The following DDX49 variants were observed in gnomAD, a reference collection of about 807,000 sequenced individuals.
The protein encoded by DDX49 is DEAD-box helicase 49.
A neutral mutation model predicts 56.3 loss-of-function variants in DDX49; 50 were observed. The observed-to-expected ratio is 0.89, with a 90% CI of 0.71 to 1.12. The LOEUF (loss-of-function observed/expected upper bound fraction) is 1.12, where lower values mean the gene tolerates loss of function less well. Ranked by LOEUF, DDX49 falls within the 50% of genes most tolerant of loss-of-function variation. The probability of loss-of-function intolerance (pLI) is 0.00; values close to 1 mark genes in which losing one functional copy is unlikely to be tolerated. For synonymous variants in DDX49, 269 were observed against 270.6 expected, an observed-to-expected ratio of 0.99 and a Z score of 0.06; for missense variants, 614 against 650.5, an observed-to-expected ratio of 0.94 and a Z score of 0.61.
rs2056942822 is a variant in DDX49, at chr19:18,924,290, G to C, written c.834G>C (p.Leu278=). 1 of 1,613,812 alleles carries C rather than the reference G, an allele frequency of 6.2e-7. No individual in the cohort carries two copies. Residue 278 remains leucine (L), a synonymous_variant, in exon 7 of 13, where the codon CTG becomes CTC. Coordinates refer to ENST00000247003, the MANE Select transcript of DDX49 (RefSeq NM_019070.5). ...AATTCAGCTTCCCCACCGTGGCTCT[G>C]CACTCCATGATGAAGCAGGTGAGGC... The part of the protein sequence containing the change: ...LRKFSFPTVA[L]HSMMKQKERF...
Position 18,924,557 on chromosome 19 carries a change from T to A in DDX49, c.853-66T>A, listed in dbSNP as rs968580789. 4 of 1,558,434 alleles carry A rather than the reference T, an allele frequency of 2.6e-6. No individual in the cohort carries two copies. The African/African-American group carries it at 4.1e-5, about 16-fold the overall frequency. On this transcript the variant is annotated intron_variant, in intron 7 of 12. Coordinates refer to ENST00000247003, the MANE Select transcript of DDX49 (RefSeq NM_019070.5). ...GGGGACTGTCCCGGCCTCCACCCTG[T>A]CCCGAGGCCTCACACAGAAAACCCT... is the stretch of plus-strand genomic sequence containing the variant.
rs942209162 is a variant in DDX49 at position 18,927,770 on chromosome 19, G to A, written c.1107G>A (p.Lys369=). The change falls in exon 11 of 13, where the codon AAG becomes AAA. Residue 369 remains lysine, a synonymous_variant. Coordinates refer to ENST00000247003, the MANE Select transcript of DDX49 (RefSeq NM_019070.5). ...LVHAIEEQIK[K]KLEEFSVEEA... ...CCGGCTTTGCTGTCCCCACAGAGAAGAAGCTGGAGGAGTTCTCCGTGGAAG... is the reference window on the plus strand; with the variant it reads ...CCGGCTTTGCTGTCCCCACAGAGAAAAAGCTGGAGGAGTTCTCCGTGGAAG... 6.3e-7 allele frequency: 1 copy of A among 1,591,776 alleles called. No individual in the cohort carries two copies. The highest frequency in any genetic ancestry group is 1.7e-5 in the Admixed American group (1 of 59,978).
At chr19:18,920,037 G>A (rs1195456724) in intron 1 of DDX49, among the ~76,000 whole-genome samples, 181 bp downstream of exon 1, 1 of 152,230 alleles carries the variant, frequency 6.6e-6, no homozygotes, top group Non-Finnish European at 1.5e-5. Flanking sequence ...TGACTGACTC[G>A]CTTTGTGTTC....
intron 4 of DDX49, 116 bp from the exon 5 acceptor site, chr19:18,922,210 G>C: frequency 1.5e-6 from 2 of 1,335,308 alleles, no homozygotes; most frequent in Middle Eastern, 2.5e-4. Context: ...CTTGGAAGGA[G>C]GGTACTCCAG....
intron 9 of DDX49, among the ~76,000 whole-genome samples, 181 bp from the exon 10 acceptor site, chr19:18,926,122 G>A (rs112450537): frequency 3.3e-5 from 5 of 152,262 alleles, no homozygotes; most frequent in African/African-American, 9.6e-5. Context: ...CCAGCGACCC[G>A]TCCTCCACAC....
rs1391106021 is a variant in DDX49, at chr19:18,927,782, G to T, written c.1119G>T (p.Glu373Asp). ...IEEQIKKKLEEFSVEEAEVLQ... is the reference protein window; with the variant it reads ...IEEQIKKKLEDFSVEEAEVLQ... ...TCCCCACAGAGAAGAAGCTGGAGGA[G>T]TTCTCCGTGGAAGAGGCCGAGGTGC... is the stretch of plus-strand genomic sequence containing the variant. The change falls in exon 11 of 13, where the codon GAG becomes GAT. Residue 373 changes from glutamate (E) to aspartate (D), a missense_variant. By Grantham distance (45) the Glu-to-Asp change is conservative. Transcript: ENST00000247003. 1 of 1,613,920 alleles carries T rather than the reference G, an allele frequency of 6.2e-7. No individual in the cohort carries two copies. Among genetic ancestry groups the T allele is most frequent in the Non-Finnish European group, 8.5e-7 (1 of 1,179,950 alleles).
intron 9 of DDX49, chr19:18,925,232 A>G: frequency 2.6e-6 from 1 of 383,090 alleles, no homozygotes; most frequent in Non-Finnish European, 4.6e-6. Flanking sequence ...CAGCCTGGGC[A>G]AAAAGAGCAA....
At chr19:18,926,787 A>G (rs1255356063) in intron 10 of DDX49, among the ~76,000 whole-genome samples, 1 of 152,128 alleles carries the variant, frequency 6.6e-6, no homozygotes, top group Non-Finnish European at 1.5e-5. Context: ...AAACATCTGG[A>G]CTTGGCCAGG....
chr19:18,928,247 C>G lies in DDX49; in HGVS notation c.1383C>G (p.His461Gln), dbSNP rs1349304098. 10 of 1,588,008 alleles carry G rather than the reference C, an allele frequency of 6.3e-6. No individual in the cohort carries two copies. Among genetic ancestry groups the G allele is most frequent in the Non-Finnish European group, 8.6e-6 (10 of 1,167,472 alleles). Residue 461 changes from histidine (H) to glutamine (Q), a missense_variant, in exon 13 of 13, where the codon CAC (histidine) becomes CAG (glutamine). By Grantham distance (24) the His-to-Gln change is conservative (BLOSUM62 0). Coordinates refer to ENST00000247003, the MANE Select transcript of DDX49 (RefSeq NM_019070.5). ...LKRQKAGRAG[H>Q]KGRPPRTPSG... Reference sequence around the variant, plus strand: ...GACAGAAGGCTGGCAGGGCTGGCCACAAGGGGCGTCCACCCAGGACACCGT... The same window carrying G: ...GACAGAAGGCTGGCAGGGCTGGCCAGAAGGGGCGTCCACCCAGGACACCGT...
chr19:18,923,214 G>A (rs1347814151), intron 6 of DDX49, among the ~76,000 whole-genome samples: 1 of 152,150 alleles, frequency 6.6e-6, no homozygotes, highest in Non-Finnish European at 1.5e-5. Context: ...CTTTAAATGC[G>A]TTACCTCCCA....
chr19:18,922,798 C>G (rs906519804), intron 6 of DDX49, 54 bp downstream of exon 6: 2 of 1,586,162 alleles, frequency 1.3e-6, no homozygotes, highest in Non-Finnish European at 1.7e-6. Flanking sequence ...GGAGGTGGCC[C>G]GACGTCTTTG....
At position 18,922,532 on chromosome 19, in the gene DDX49, C is replaced by T; in HGVS notation, c.635+19C>T. On this transcript the variant is annotated intron_variant, in intron 5 of 12. Transcript: ENST00000247003. ...AGGCCCCGTGAGTCCACAGCCCAGACAGCGTGGGGAGGGCAGCCCCATCCT... is the reference window on the plus strand; with the variant it reads ...AGGCCCCGTGAGTCCACAGCCCAGATAGCGTGGGGAGGGCAGCCCCATCCT... The T allele has an allele frequency of 6.3e-7, 1 of 1,597,892 alleles. No homozygotes were observed. The highest frequency in any genetic ancestry group is 1.1e-5 in the South Asian group (1 of 90,588).
intron 9 of DDX49, among the ~76,000 whole-genome samples, chr19:18,925,902 G>A (rs1334782443): frequency 6.6e-6 from 1 of 152,230 alleles, no homozygotes; most frequent in African/African-American, 2.4e-5. Flanking sequence ...TCGTGGGGCT[G>A]CCATGAGGGT....
Position 18,919,718 on chromosome 19 carries a change from G to C in DDX49, c.-24G>C. 1.3e-6 allele frequency: 2 copies of C among 1,590,470 alleles called. No individual in the cohort carries two copies. Among genetic ancestry groups the C allele is most frequent in the Non-Finnish European group, 1.7e-6 (2 of 1,162,382 alleles). On this transcript the variant is annotated 5_prime_UTR_variant, in exon 1 of 13. Coordinates refer to ENST00000247003, the MANE Select transcript of DDX49 (RefSeq NM_019070.5). ...CGCGGATCACACGGGCCCCTACAAG[G>C]GGCCCCTACAAGCGGCCACAAGGAT...
At chr19:18,921,563 G>A in intron 2 of DDX49, 100 bp from the exon 3 acceptor site, 5 of 1,171,850 alleles carry the variant, frequency 4.3e-6, no homozygotes, top group Non-Finnish European at 5.1e-6. Context: ...GGCAAGTCAG[G>A]AGCCTGGGGG....
intron 1 of DDX49, among the ~76,000 whole-genome samples, 162 bp from the exon 2 acceptor site, chr19:18,920,418 C>CG (rs2145096005): frequency 6.6e-6 from 1 of 152,300 alleles, no homozygotes; most frequent in African/African-American, 2.4e-5. Context: ...TGCTCCTGGA[C>CG]GGAGTTAGAA....
chr19:18,924,267 T>C lies in DDX49; in HGVS notation c.811T>C (p.Phe271Leu). 6.2e-7 allele frequency: 1 copy of C among 1,613,954 alleles called. No individual in the cohort carries two copies. Among genetic ancestry groups the C allele is most frequent in the Non-Finnish European group, 8.5e-7 (1 of 1,180,006 alleles). The change falls in exon 7 of 13, where the codon TTC becomes CTC. Residue 271 changes from phenylalanine to leucine, a missense_variant. By Grantham distance (22) the Phe-to-Leu change is conservative. Transcript: ENST00000247003. ...GATTCTGTGCATGATGCTGCGCAAA[T>C]TCAGCTTCCCCACCGTGGCTCTGCA... ...CQILCMMLRKFSFPTVALHSM... is the reference protein window; with the variant it reads ...CQILCMMLRKLSFPTVALHSM...
rs1305648060 is a variant in DDX49 at position 18,927,865 on chromosome 19, G to A, written c.1191+11G>A. The A allele has an allele frequency of 6.2e-7, 1 of 1,614,078 alleles. No individual in the cohort carries two copies. The highest frequency in any genetic ancestry group is 8.5e-7 in the Non-Finnish European group (1 of 1,180,018). On this transcript the variant is annotated intron_variant, in intron 11 of 12. Transcript: ENST00000247003. Reference sequence around the variant, plus strand: ...AGAGAGTGTGAGATCGTGAGTGTCAGAGGCGGGCAGGAACTAAAGTGCTCT... The same window carrying A: ...AGAGAGTGTGAGATCGTGAGTGTCAAAGGCGGGCAGGAACTAAAGTGCTCT...
rs1237863264 is a variant in DDX49 at position 18,927,982 on chromosome 19, CTT to C, written c.1211_1212del (p.Phe404Ter). 1 of 1,613,756 alleles carries C rather than the reference CTT, an allele frequency of 6.2e-7. No individual in the cohort carries two copies. The highest frequency in any genetic ancestry group is 8.5e-7 in the Non-Finnish European group (1 of 1,180,008). Reference sequence around the variant, plus strand: ...TCCACCAGAAACTGGAGGCGGCCCACTTTGACGAAAAGAAGGAGATCAACAAA... The same window carrying C: ...TCCACCAGAAACTGGAGGCGGCCCACTGACGAAAAGAAGGAGATCAACAAA... ...ECEIKLEAAH[F>X]DEKKEINKRK... On this transcript the variant is annotated frameshift_variant, in exon 12 of 13. Transcript: ENST00000247003. LOFTEE classifies it high-confidence loss of function.
Sources: gnomAD v4.1 joint callset for allele counts (sites outside exome capture counted in the v4.1 genomes callset) on GRCh38, gnomAD v4.1.1 for gene constraint, MANE v1.5 for transcripts, NCBI Gene and HGNC (gene_info 2026-07-23, HGNC 2026-07-21) for gene names.